The following TMEM120B variants were observed in gnomAD, a reference collection of about 807,000 sequenced individuals.
The protein encoded by TMEM120B is transmembrane protein 120B.
A neutral mutation model predicts 55.5 loss-of-function variants in TMEM120B; 31 were observed. The ratio of observed to expected loss-of-function variants is 0.56; its 90% CI spans 0.42 to 0.75. TMEM120B has a LOEUF of 0.75. Among genes scored for constraint, TMEM120B ranks in the 30% least tolerant of loss-of-function variants. The pLI is 0.00. For missense variants in TMEM120B, 399 were observed against 425.5 expected (o/e 0.94, Z 0.55); for synonymous variants, 203 against 176.3 (o/e 1.15, Z -1.20).
chr12:121,728,973 C>G (rs1266467426), intron 1 of TMEM120B, among the ~76,000 whole-genome samples: 10 of 152,212 alleles, frequency 6.6e-5, no homozygotes, highest in Non-Finnish European at 1.3e-4. Context: ...GATGCCCATC[C>G]CTGAATTACC....
chr12:121,752,752 A>G (rs1249187427), intron 5 of TMEM120B, among the ~76,000 whole-genome samples: 1 of 151,794 alleles, frequency 6.6e-6, no homozygotes, highest in Non-Finnish European at 1.5e-5. Flanking sequence ...TGTCACCCCA[A>G]AAAAAAGGAG....
intron 5 of TMEM120B, among the ~76,000 whole-genome samples, chr12:121,754,521 C>T (rs761266704): frequency 4.1e-4 from 63 of 152,334 alleles, no homozygotes; most frequent in Non-Finnish European, 7.6e-4. Context: ...CATGCCGCTC[C>T]ACAGGCTTCG....
At chr12:121,769,163 A>C (rs201992565) in intron 6 of TMEM120B, among the ~76,000 whole-genome samples, 5 of 33,690 alleles carry the variant, frequency 1.5e-4, no homozygotes, top group African/African-American at 4.5e-4. Context: ...AAAAAAAGGC[A>C]AAAAAAAAAA....
chr12:121,716,046 C>A (rs192975967), intron 1 of TMEM120B, among the ~76,000 whole-genome samples: 2 of 150,160 alleles, frequency 1.3e-5, no homozygotes, highest in African/African-American at 4.9e-5. Flanking sequence ...GTAATCTCAG[C>A]ACTTTGGGAG....
chr12:121,741,098 G>A (rs1447472403), intron 1 of TMEM120B, among the ~76,000 whole-genome samples: 1 of 151,820 alleles, frequency 6.6e-6, no homozygotes, highest in Non-Finnish European at 1.5e-5. Context: ...TTTCAACCCT[G>A]CAAAACCCAT....
At chr12:121,719,723 T>C (rs1358684682) in intron 1 of TMEM120B, among the ~76,000 whole-genome samples, 1 of 152,056 alleles carries the variant, frequency 6.6e-6, no homozygotes, top group Non-Finnish European at 1.5e-5. Flanking sequence ...AGACGGAGTT[T>C]TGCTCTTGTT....
chr12:121,753,841 C>T (rs990914301), intron 5 of TMEM120B, among the ~76,000 whole-genome samples: 1 of 152,218 alleles, frequency 6.6e-6, no homozygotes, highest in African/African-American at 2.4e-5. Context: ...CCTCACAGGG[C>T]TGTGACAATT....
chr12:121,757,321 C>G (rs1385097036), intron 5 of TMEM120B, among the ~76,000 whole-genome samples: 2 of 151,504 alleles, frequency 1.3e-5, no homozygotes, highest in African/African-American at 4.8e-5. Flanking sequence ...ACCACCACAC[C>G]CGGATAATTT....
intron 1 of TMEM120B, among the ~76,000 whole-genome samples, chr12:121,731,038 A>G (rs1019644280): frequency 6.6e-6 from 1 of 151,998 alleles, no homozygotes; most frequent in Non-Finnish European, 1.5e-5. Flanking sequence ...GTAGAGACAG[A>G]AGACAGAATA....
intron 1 of TMEM120B, among the ~76,000 whole-genome samples, chr12:121,733,855 C>T (rs1303441154): frequency 1.3e-5 from 2 of 151,362 alleles, no homozygotes; most frequent in South Asian, 2.1e-4. Flanking sequence ...TTGTTATGTG[C>T]GTAGATCTCC....
chr12:121,720,719 GA>G (rs1212128798), intron 1 of TMEM120B, among the ~76,000 whole-genome samples: 8 of 146,806 alleles, frequency 5.4e-5, no homozygotes, highest in African/African-American at 7.5e-5. Flanking sequence ...TGTCTCAAAA[GA>G]AAAAAAAAAG....
chr12:121,739,798 C>CTTTTTTTTT (rs200085137), intron 1 of TMEM120B, among the ~76,000 whole-genome samples: 1 of 99,214 alleles, frequency 1.0e-5, no homozygotes, highest in Non-Finnish European at 1.9e-5. Flanking sequence ...TGCAACACTT[C>CTTTTTTTTT]TTTTTTTTTT....
chr12:121,781,058 C>T lies in TMEM120B; in HGVS notation c.*5336C>T, dbSNP rs1874435722. 6.2e-7 allele frequency: 1 copy of T among 1,613,710 alleles called. No individual in the cohort carries two copies. Among genetic ancestry groups the T allele is most frequent in the Non-Finnish European group, 8.5e-7 (1 of 1,179,820 alleles). On this transcript the variant is annotated 3_prime_UTR_variant, in exon 12 of 12. Coordinates refer to ENST00000449592, the MANE Select transcript of TMEM120B (RefSeq NM_001080825.2). ...GGTGCGGCCGGGCCCAGATGTGGGG[C>T]CACCACCCAGGAGGCCGGCCTCACC...
rs541117068 is a variant in TMEM120B, at chr12:121,758,254, A to G, written c.462-3395A>G. Reference sequence around the variant, plus strand: ...GCTCACATGGTGGGTCGGCCTCTCCACTTCACAGATTGCAGGGCTGAGGCC... The same window carrying G: ...GCTCACATGGTGGGTCGGCCTCTCCGCTTCACAGATTGCAGGGCTGAGGCC... On this transcript the variant is annotated intron_variant, in intron 5 of 11. Transcript: ENST00000449592. The G allele has an allele frequency of 1.1e-5, 11 of 985,414 alleles. No homozygotes were observed. The Admixed American group carries it at 3.1e-4, about 28-fold the overall frequency. The allele number at this position is 985,414 out of a possible 1,614,324, so 61.0% of individuals were successfully genotyped here.
At chr12:121,746,635 C>T (rs1291145446) in intron 2 of TMEM120B, among the ~76,000 whole-genome samples, 2 of 152,144 alleles carry the variant, frequency 1.3e-5, no homozygotes, top group African/African-American at 4.8e-5. Context: ...ACTATAACAT[C>T]ATGCCTGCTA....
chr12:121,750,885 AC>A (rs1873279431), intron 4 of TMEM120B, among the ~76,000 whole-genome samples: 1 of 64,150 alleles, frequency 1.6e-5, no homozygotes, highest in African/African-American at 6.3e-5. Context: ...CACACACCAC[AC>A]CCCACATCCC....
At chr12:121,764,954 C>T (rs141293357) in intron 6 of TMEM120B, among the ~76,000 whole-genome samples, 53 of 152,214 alleles carry the variant, frequency 3.5e-4, no homozygotes, top group African/African-American at 1.2e-3. Context: ...ATGGTTGTCC[C>T]TGAGCTTGCA....
chr12:121,735,884 G>T (rs1426902982), intron 1 of TMEM120B, among the ~76,000 whole-genome samples: 1 of 151,988 alleles, frequency 6.6e-6, no homozygotes, highest in Non-Finnish European at 1.5e-5. Flanking sequence ...AGAGACGGGG[G>T]TTTCACCGTG....
Position 121,748,519 on chromosome 12 carries a change from C to T in TMEM120B, c.305+77C>T, listed in dbSNP as rs1394411905. The T allele has an allele frequency of 3.1e-6, 3 of 960,470 alleles. No individual in the cohort carries two copies. The East Asian group carries it at 8.0e-5, about 26-fold the overall frequency. 59.5% of individuals were successfully genotyped at this position (960,470 alleles called of 1,614,324 possible). On this transcript the variant is annotated intron_variant, in intron 3 of 11. Coordinates refer to ENST00000449592, the MANE Select transcript of TMEM120B (RefSeq NM_001080825.2). ...GCACAGCTGGTCCATATAACTCTCG[C>T]CTTCCTGCTGGTGCTCAGATTGAAG...
Sources: gnomAD v4.1 joint callset for allele counts (sites outside exome capture counted in the v4.1 genomes callset) on GRCh38, gnomAD v4.1.1 for gene constraint, MANE v1.5 for transcripts, NCBI Gene and HGNC (gene_info 2026-07-23, HGNC 2026-07-21) for gene names.